DNAH14: variants seen among roughly 807,000 people sequenced by gnomAD.
DNAH14 encodes the protein axonemal beta dynein heavy chain 14.
Under a neutral mutation model 520.9 loss-of-function variants are expected in DNAH14, and 478 were observed. That is an observed-to-expected ratio of 0.92 (90% confidence interval 0.85 to 0.99). DNAH14 has a LOEUF of 0.99. Among genes scored for constraint, DNAH14 ranks in the 50% least tolerant of loss-of-function variants. The pLI is 0.00. For missense variants in DNAH14, 4,831 were observed against 5,234.5 expected, an observed-to-expected ratio of 0.92 and a Z score of 2.38; for synonymous variants, 1,581 against 1,757.2, an observed-to-expected ratio of 0.90 and a Z score of 2.51.
chr1:225,215,643 T>C (rs1234142386), intron 41 of DNAH14, among the ~76,000 whole-genome samples: 1 of 152,220 alleles, frequency 6.6e-6, no homozygotes, highest in Non-Finnish European at 1.5e-5. Context: ...CCTTTACCAT[T>C]ATGTGATGGC....
chr1:224,953,975 A>G (rs1308286944), intron 2 of DNAH14, among the ~76,000 whole-genome samples: 1 of 152,192 alleles, frequency 6.6e-6, no homozygotes, highest in African/African-American at 2.4e-5. Context: ...TTCTGTTTAT[A>G]AAGACATCAA....
intron 1 of DNAH14, among the ~76,000 whole-genome samples, chr1:224,934,810 CATTAGACTA>C (rs913931302): frequency 2.6e-5 from 4 of 151,754 alleles, no homozygotes; most frequent in Admixed American, 6.6e-5. Context: ...AAGGAAACCC[CATTAGACTA>C]CTATAGATTT....
intron 37 of DNAH14, among the ~76,000 whole-genome samples, chr1:225,190,077 G>C (rs961819007): frequency 6.6e-6 from 1 of 151,876 alleles, no homozygotes; most frequent in African/African-American, 2.4e-5. Flanking sequence ...TATTCATGGG[G>C]AATACATTCC....
At chr1:225,361,973 T>C (rs1012804392) in intron 75 of DNAH14, among the ~76,000 whole-genome samples, 3 of 152,254 alleles carry the variant, frequency 2.0e-5, no homozygotes, top group Non-Finnish European at 2.9e-5. Context: ...TTAATAGATA[T>C]AAACTTTCAA....
intron 38 of DNAH14, among the ~76,000 whole-genome samples, chr1:225,198,901 GT>G (rs1400085704): frequency 6.6e-6 from 1 of 152,086 alleles, no homozygotes; most frequent in Non-Finnish European, 1.5e-5. Context: ...GTGGAATAGG[GT>G]AATAAGATAG....
At chr1:224,977,032 T>A (rs1323566919) in intron 8 of DNAH14, among the ~76,000 whole-genome samples, 1 of 151,222 alleles carries the variant, frequency 6.6e-6, no homozygotes, top group African/African-American at 2.4e-5. Context: ...TAAAGACACA[T>A]GCACACGTAT....
chr1:225,130,608 G>A (rs917490643), intron 27 of DNAH14, among the ~76,000 whole-genome samples: 2 of 142,510 alleles, frequency 1.4e-5, no homozygotes, highest in African/African-American at 5.2e-5. Context: ...CTCATAGATG[G>A]GAATTGAACA....
chr1:225,014,362 G>A (rs2065044379), intron 10 of DNAH14, among the ~76,000 whole-genome samples: 1 of 151,682 alleles, frequency 6.6e-6, no homozygotes, highest in African/African-American at 2.4e-5. Flanking sequence ...TCCTGTGTTG[G>A]TCTTGCTGGG....
At chr1:225,273,437 T>C (rs1466470417) in intron 52 of DNAH14, among the ~76,000 whole-genome samples, 1 of 152,216 alleles carries the variant, frequency 6.6e-6, no homozygotes, top group Non-Finnish European at 1.5e-5. Context: ...AGACTCCGTC[T>C]CAAAACAAAA....
At chr1:225,336,072 T>A (rs1404367781) in intron 66 of DNAH14, among the ~76,000 whole-genome samples, 1 of 143,914 alleles carries the variant, frequency 6.9e-6, no homozygotes, top group African/African-American at 2.7e-5. Flanking sequence ...TATACATACA[T>A]ACTTATATAT....
chr1:225,343,679 T>C (rs1385140629), intron 69 of DNAH14, among the ~76,000 whole-genome samples: 1 of 152,192 alleles, frequency 6.6e-6, no homozygotes, highest in Non-Finnish European at 1.5e-5. Context: ...GGACCTGACT[T>C]TATTCCTTTT....
chr1:225,144,298 A>G (rs1304246504), intron 28 of DNAH14, 99 bp from the exon 29 acceptor site: 2 of 924,932 alleles, frequency 2.2e-6, no homozygotes, highest in African/African-American at 1.7e-5. Context: ...TGTTTTTTTA[A>G]TCAATGCTCC....
chr1:225,318,252 G>T (rs774200506), intron 60 of DNAH14, among the ~76,000 whole-genome samples: 3 of 152,330 alleles, frequency 2.0e-5, no homozygotes, highest in South Asian at 2.1e-4. Context: ...AAGCTTCGTA[G>T]CTTCACAGTA....
At chr1:225,010,264 G>T (rs1020595175) in intron 10 of DNAH14, among the ~76,000 whole-genome samples, 7 of 152,146 alleles carry the variant, frequency 4.6e-5, no homozygotes, top group African/African-American at 1.7e-4. Context: ...TTTGAGATCT[G>T]TTCCATCAAT....
rs1235949028 is a variant in DNAH14, at chr1:225,265,258, C to T, written c.7299C>T (p.Val2433=). Residue 2433 remains valine, a synonymous_variant, in exon 48 of 86, where the codon GTC becomes GTT. Transcript: ENST00000682510. Reference sequence around the variant, plus strand: ...ATAATGATCATAAAGGAGTTGTAGTCTCTACAATAAATTTTAGCACCAATG... The same window carrying T: ...ATAATGATCATAAAGGAGTTGTAGTTTCTACAATAAATTTTAGCACCAATG... ...LKNNDHKGVV[V]STINFSTNVT... is the part of the protein sequence containing the mutation. The T allele has an allele frequency of 9.1e-6, 14 of 1,539,888 alleles. No homozygotes were observed. The highest frequency in any genetic ancestry group is 7.9e-6 in the Non-Finnish European group (9 of 1,142,510).
Position 225,043,012 on chromosome 1 carries a change from G to A in DNAH14, c.1666G>A (p.Glu556Lys). ...ECVMFEDEMS[E>K]NKDNCVKKHS... is the part of the protein sequence containing the mutation. ...TGTGATGTTTGAAGATGAAATGTCA[G>A]AAAATAAAGACAATTGTGTCAAAAA... Residue 556 changes from glutamate (E) to lysine (K), a missense_variant, in exon 13 of 86, where the codon GAA becomes AAA. By Grantham distance (56) the Glu-to-Lys change is moderately conservative. Coordinates refer to ENST00000682510, the MANE Select transcript of DNAH14 (RefSeq NM_001367479.1). 1.9e-6 allele frequency: 3 copies of A among 1,551,724 alleles called. No homozygotes were observed. The highest frequency in any genetic ancestry group is 2.6e-6 in the Non-Finnish European group (3 of 1,147,016).
intron 39 of DNAH14, among the ~76,000 whole-genome samples, chr1:225,205,424 C>G (rs1029748666): frequency 3.9e-5 from 6 of 152,202 alleles, no homozygotes; most frequent in African/African-American, 1.4e-4. Context: ...TCTTGGACTT[C>G]CAAACCTCCA....
chr1:225,394,373 T>C (rs2095972793), intron 84 of DNAH14, among the ~76,000 whole-genome samples: 2 of 152,224 alleles, frequency 1.3e-5, no homozygotes, highest in South Asian at 2.1e-4. Flanking sequence ...TGTCTTTTGA[T>C]GAACAAAAAT....
At chr1:225,008,776 C>T (rs2064427578) in intron 10 of DNAH14, among the ~76,000 whole-genome samples, 1 of 151,916 alleles carries the variant, frequency 6.6e-6, no homozygotes, top group Non-Finnish European at 1.5e-5. Flanking sequence ...GATGGTATCT[C>T]ATTGTGGTTT....
Sources: gnomAD v4.1 joint callset for allele counts (sites outside exome capture counted in the v4.1 genomes callset) on GRCh38, gnomAD v4.1.1 for gene constraint, MANE v1.5 for transcripts, NCBI Gene and HGNC (gene_info 2026-07-23, HGNC 2026-07-21) for gene names.